Variants in MOB3B observed in about 807,000 individuals in gnomAD.
MOB3B encodes the protein MOB kinase activator 3B, also known as MOB kinase activator-like 2B.
Under a neutral mutation model 18.7 loss-of-function variants are expected in MOB3B, and 7 were observed. That is an observed-to-expected ratio of 0.37 (90% CI 0.21 to 0.70). The LOEUF is 0.70. Ranked by LOEUF, MOB3B falls within the 30% of genes least tolerant of loss-of-function variation. The pLI is 0.52. For synonymous variants in MOB3B, 111 were observed against 99.9 expected (o/e 1.11, Z -0.66); for missense variants, 253 against 281.3 (o/e 0.90, Z 0.72).
intron 1 of MOB3B, among the ~76,000 whole-genome samples, chr9:27,527,383 G>T (rs901768183): frequency 1.3e-5 from 2 of 152,040 alleles, no homozygotes; most frequent in Non-Finnish European, 2.9e-5. Flanking sequence ...TCTTTTCCTG[G>T]TTCCACCGTT....
chr9:27,362,229 A>T (rs1266184376), intron 2 of MOB3B, among the ~76,000 whole-genome samples: 1 of 152,022 alleles, frequency 6.6e-6, no homozygotes, highest in Admixed American at 6.5e-5. Context: ...TGGTTTTGCA[A>T]TCTGGAAGAC....
chr9:27,433,569 C>G (rs1822448823), intron 2 of MOB3B, among the ~76,000 whole-genome samples: 1 of 152,126 alleles, frequency 6.6e-6, no homozygotes, highest in African/African-American at 2.4e-5. Context: ...TTCATGGGGC[C>G]AAGGATATCA....
At chr9:27,335,236 G>C (rs1285571320) in intron 3 of MOB3B, among the ~76,000 whole-genome samples, 1 of 152,226 alleles carries the variant, frequency 6.6e-6, no homozygotes, top group Non-Finnish European at 1.5e-5. Flanking sequence ...AAAAAGCAGT[G>C]ACATCATCAC....
intron 1 of MOB3B, among the ~76,000 whole-genome samples, chr9:27,522,393 T>C (rs1024888608): frequency 4.8e-5 from 7 of 145,628 alleles, no homozygotes; most frequent in African/African-American, 1.8e-4. Flanking sequence ...GACTCAAAAT[T>C]TTTGCATATA....
intron 1 of MOB3B, chr9:27,524,587 A>G (rs1376144844): frequency 6.2e-7 from 1 of 1,614,164 alleles, no homozygotes; most frequent in Non-Finnish European, 8.5e-7. Flanking sequence ...AGGGACATCA[A>G]GAAGGCCTTC....
intron 3 of MOB3B, among the ~76,000 whole-genome samples, chr9:27,343,138 T>A (rs914891051): frequency 1.3e-5 from 2 of 151,638 alleles, no homozygotes; most frequent in African/African-American, 4.9e-5. Flanking sequence ...TAAGAAAAAG[T>A]CTTCTGCCTT....
At chr9:27,521,732 A>G (rs1007401308) in intron 1 of MOB3B, among the ~76,000 whole-genome samples, 1 of 152,146 alleles carries the variant, frequency 6.6e-6, no homozygotes, top group African/African-American at 2.4e-5. Flanking sequence ...ATATACATGT[A>G]TAAACATGGC....
At chr9:27,377,955 G>A (rs891434800) in intron 2 of MOB3B, among the ~76,000 whole-genome samples, 1 of 152,210 alleles carries the variant, frequency 6.6e-6, no homozygotes, top group Non-Finnish European at 1.5e-5. Flanking sequence ...CACAGGTAGT[G>A]GGGTAAGAAA....
chr9:27,347,725 A>G (rs1821050371), intron 3 of MOB3B, among the ~76,000 whole-genome samples: 1 of 152,140 alleles, frequency 6.6e-6, no homozygotes. Flanking sequence ...CAGGTGTACC[A>G]TTTTTTATCT....
At chr9:27,341,289 CT>C (rs1169988956) in intron 3 of MOB3B, among the ~76,000 whole-genome samples, 8 of 152,232 alleles carry the variant, frequency 5.3e-5, no homozygotes, top group Admixed American at 3.9e-4. Context: ...GTATTCTGAA[CT>C]TTCAGAGCAT....
chr9:27,461,147 C>G (rs1381753500), intron 1 of MOB3B, among the ~76,000 whole-genome samples: 2 of 152,212 alleles, frequency 1.3e-5, no homozygotes, highest in African/African-American at 4.8e-5. Flanking sequence ...CTATATTGTT[C>G]TCTTTATAGC....
chr9:27,455,711 C>T lies in MOB3B; in HGVS notation c.-161G>A. 2.0e-6 allele frequency: 3 copies of T among 1,468,802 alleles called. No individual in the cohort carries two copies. Among genetic ancestry groups the T allele is most frequent in the South Asian group, 2.9e-5 (2 of 69,964 alleles). 91.0% of individuals were successfully genotyped at this position (1,468,802 alleles called of 1,614,324 possible). A position where few individuals can be genotyped will look rare whatever the true frequency, so the allele number is the denominator to read the frequency against. ...TCTTCTAAACAGCCCCTTCCATCTTCCTCTTGAATGATTTCCAAGGGAACC... is the reference window on the plus strand; with the variant it reads ...TCTTCTAAACAGCCCCTTCCATCTTTCTCTTGAATGATTTCCAAGGGAACC... On this transcript the variant is annotated 5_prime_UTR_variant, in exon 2 of 4. Transcript: ENST00000262244.
At chr9:27,372,204 A>C (rs1371654851) in intron 2 of MOB3B, among the ~76,000 whole-genome samples, 1 of 152,198 alleles carries the variant, frequency 6.6e-6, no homozygotes, top group Non-Finnish European at 1.5e-5. Flanking sequence ...TGCTAATAAA[A>C]ACACAATGAC....
intron 2 of MOB3B, among the ~76,000 whole-genome samples, chr9:27,396,152 T>G (rs1197185080): frequency 6.6e-6 from 1 of 152,162 alleles, no homozygotes; most frequent in Admixed American, 6.5e-5. Context: ...CCTACATGTA[T>G]TTTTTTCCTT....
intron 2 of MOB3B, among the ~76,000 whole-genome samples, chr9:27,416,825 C>A (rs1187647712): frequency 6.6e-6 from 1 of 152,054 alleles, no homozygotes; most frequent in Non-Finnish European, 1.5e-5. Context: ...CATGAGCCAC[C>A]ACGGCTAGCT....
rs1236836468 is a variant in MOB3B at position 27,455,117 on chromosome 9, C to T, written c.418+16G>A. 2 of 1,613,760 alleles carry T rather than the reference C, an allele frequency of 1.2e-6. No homozygotes were observed. Among genetic ancestry groups the T allele is most frequent in the East Asian group, 2.2e-5 (1 of 44,878 alleles). On this transcript the variant is annotated intron_variant, in intron 2 of 3. Coordinates refer to ENST00000262244, the MANE Select transcript of MOB3B (RefSeq NM_024761.5). ...GTGCAGGTGACAAAAAAACTGAGAG[C>T]TGGTAATGAACTTACCCACGCATGT...
chr9:27,338,957 G>A (rs935721943), intron 3 of MOB3B, among the ~76,000 whole-genome samples: 4 of 152,176 alleles, frequency 2.6e-5, no homozygotes, highest in Non-Finnish European at 4.4e-5. Context: ...TGCATCCTTG[G>A]TGCAGAGTGA....
chr9:27,399,102 C>G (rs1353059854), intron 2 of MOB3B, among the ~76,000 whole-genome samples: 1 of 151,914 alleles, frequency 6.6e-6, no homozygotes, highest in Non-Finnish European at 1.5e-5. Context: ...TCTGAGGAAA[C>G]CAAGCCCACA....
chr9:27,493,653 T>C (rs532815335), intron 1 of MOB3B, among the ~76,000 whole-genome samples: 1 of 151,680 alleles, frequency 6.6e-6, no homozygotes, highest in African/African-American at 2.4e-5. Context: ...AAAAAAAAAA[T>C]TTCATGGACA....
Sources: gnomAD v4.1 joint callset for allele counts (sites outside exome capture counted in the v4.1 genomes callset) on GRCh38, gnomAD v4.1.1 for gene constraint, MANE v1.5 for transcripts, NCBI Gene and HGNC (gene_info 2026-07-23, HGNC 2026-07-21) for gene names.